Variants in TAPT1 observed in about 807,000 individuals in gnomAD.
TAPT1 encodes transmembrane anterior posterior transformation protein 1 homolog.
Under a neutral mutation model 65.6 loss-of-function variants are expected in TAPT1, and 28 were observed. That is an observed-to-expected ratio of 0.43 (90% CI 0.32 to 0.59). The LOEUF (loss-of-function observed/expected upper bound fraction) is 0.59, where lower values mean the gene tolerates loss of function less well. Among genes scored for constraint, TAPT1 ranks in the 20% least tolerant of loss-of-function variants. The pLI is 0.09. For missense variants in TAPT1, 563 were observed against 679.9 expected, an observed-to-expected ratio of 0.83 and a Z score of 1.91; for synonymous variants, 278 against 245.2, an observed-to-expected ratio of 1.13 and a Z score of -1.25.
chr4:16,216,039 C>T (rs1750923936), intron 1 of TAPT1: 1 of 152,152 alleles, frequency 6.6e-6, no homozygotes, highest in South Asian at 2.1e-4. Flanking sequence ...TTTCAGAAAG[C>T]AGAGGAGATT....
rs573308917 is a variant in TAPT1, at chr4:16,172,830, G to T, written c.1236+1374C>A. On this transcript the variant is annotated intron_variant, in intron 11 of 13. Coordinates refer to ENST00000405303, the MANE Select transcript of TAPT1 (RefSeq NM_153365.3). ...TTGTTTGTTTTGTTTTGTTTTTGTTGTTTTTTTTTTTGAGATGGAGTGTTG... is the reference window on the plus strand; with the variant it reads ...TTGTTTGTTTTGTTTTGTTTTTGTTTTTTTTTTTTTTGAGATGGAGTGTTG... 2.3e-3 allele frequency among the ~76,000 whole-genome samples: 338 copies of T among 145,740 alleles called. 3 individuals are homozygous for T. Among genetic ancestry groups the T allele is most frequent in the South Asian group, 0.021 (98 of 4,592 alleles).
At chr4:16,210,650 C>T (rs1042572046) in intron 2 of TAPT1, among the ~76,000 whole-genome samples, 5 of 152,214 alleles carry the variant, frequency 3.3e-5, no homozygotes, top group African/African-American at 1.2e-4. Context: ...CAGAGTTAGA[C>T]AGTTCGGCTT....
At chr4:16,178,759 A>C (rs775718406) in intron 8 of TAPT1, among the ~76,000 whole-genome samples, 16 of 152,248 alleles carry the variant, frequency 1.1e-4, no homozygotes, top group Non-Finnish European at 2.9e-5. Flanking sequence ...GCCTGAATTC[A>C]GAGACGCACC....
intron 1 of TAPT1, among the ~76,000 whole-genome samples, chr4:16,218,926 CTGAG>C (rs1475758619): frequency 6.6e-6 from 1 of 152,136 alleles, no homozygotes; most frequent in Non-Finnish European, 1.5e-5. Flanking sequence ...AACATAAATA[CTGAG>C]TGTTTTAATT....
intron 7 of TAPT1, among the ~76,000 whole-genome samples, chr4:16,181,641 G>A (rs191913695): frequency 6.7e-4 from 102 of 152,216 alleles, no homozygotes; most frequent in Non-Finnish European, 1.3e-3. Context: ...CTCCCAGGCT[G>A]GATGCAGCCT....
intron 4 of TAPT1, among the ~76,000 whole-genome samples, chr4:16,188,938 G>T (rs529924745): frequency 1.3e-4 from 20 of 151,862 alleles, no homozygotes; most frequent in Non-Finnish European, 2.1e-4. Context: ...AGAAAAAAAG[G>T]GGGTGGGCAC....
At chr4:16,221,108 A>G (rs1000554297) in intron 1 of TAPT1, among the ~76,000 whole-genome samples, 4 of 139,274 alleles carry the variant, frequency 2.9e-5, no homozygotes, top group Non-Finnish European at 6.1e-5. Flanking sequence ...GCACATACGT[A>G]CATATATATA....
At chr4:16,172,645 T>C (rs1748080029) in intron 11 of TAPT1, among the ~76,000 whole-genome samples, 6 of 152,160 alleles carry the variant, frequency 3.9e-5, no homozygotes, top group Admixed American at 1.3e-4. Flanking sequence ...TTAAATAGCA[T>C]TAAGCCTATT....
intron 9 of TAPT1, among the ~76,000 whole-genome samples, chr4:16,175,881 T>G (rs1253292957): frequency 6.6e-6 from 1 of 152,204 alleles, no homozygotes; most frequent in African/African-American, 2.4e-5. Context: ...CAGAATGATT[T>G]TGAGTTAGTG....
rs547336789 is a variant in TAPT1, at chr4:16,226,095, GAGCCTCGGC to G, written c.199+155_199+163del. Reference sequence around the variant, plus strand: ...GCCCGAGGAACTGTCAACGGCCGCGGAGCCTCGGCAGCCTCGGCGGCTCCGCGCGCCCAC... The same window carrying G: ...GCCCGAGGAACTGTCAACGGCCGCGGAGCCTCGGCGGCTCCGCGCGCCCAC... On this transcript the variant is annotated intron_variant, in intron 1 of 13. Coordinates refer to ENST00000405303, the MANE Select transcript of TAPT1 (RefSeq NM_153365.3). 1,065 of 1,029,054 alleles carry G rather than the reference GAGCCTCGGC, an allele frequency of 1.0e-3. 2 individuals carry two copies. In the African/African-American group the frequency reaches 0.014, roughly 14 times the overall value. 63.7% of individuals were successfully genotyped at this position (1,029,054 alleles called of 1,614,324 possible). A position where few individuals can be genotyped will look rare whatever the true frequency, so the allele number is the denominator to read the frequency against.
chr4:16,191,283 C>T lies in TAPT1; in HGVS notation c.612+78G>A. On this transcript the variant is annotated intron_variant, in intron 4 of 13. Coordinates refer to ENST00000405303, the MANE Select transcript of TAPT1 (RefSeq NM_153365.3). The stretch of plus-strand genomic sequence containing the variant: ...ACTAGAGTCGGTAGAGCATTCTTGA[C>T]TCTCAGGTACCTTCAGAACTGAAGA... 7.0e-6 allele frequency: 10 copies of T among 1,426,514 alleles called. No homozygotes were observed. The South Asian group carries it at 1.3e-4, about 18-fold the overall frequency. The allele number at this position is 1,426,514 out of a possible 1,614,324, so 88.4% of individuals were successfully genotyped here. A position where few individuals can be genotyped will look rare whatever the true frequency, so the allele number is the denominator to read the frequency against.
At chr4:16,165,534 C>T (rs566292588) in intron 13 of TAPT1, among the ~76,000 whole-genome samples, 91 of 149,358 alleles carry the variant, frequency 6.1e-4, no homozygotes, top group African/African-American at 2.2e-3. Flanking sequence ...CACGCCACTG[C>T]ACTCCAGCCT....
chr4:16,206,040 G>C (rs554280402), intron 2 of TAPT1, among the ~76,000 whole-genome samples: 2 of 152,312 alleles, frequency 1.3e-5, no homozygotes, highest in African/African-American at 2.4e-5. Context: ...AAGGGGAACA[G>C]GATATCAATA....
intron 2 of TAPT1, among the ~76,000 whole-genome samples, chr4:16,213,483 G>A (rs1044547982): frequency 6.6e-6 from 1 of 152,190 alleles, no homozygotes; most frequent in Admixed American, 6.5e-5. Flanking sequence ...AAAGGGTACA[G>A]AAGTAGAGAT....
At chr4:16,180,487 T>C (rs2149681599) in intron 7 of TAPT1, among the ~76,000 whole-genome samples, 1 of 152,246 alleles carries the variant, frequency 6.6e-6, no homozygotes, top group South Asian at 2.1e-4. Context: ...AAAAGCTTTT[T>C]TACAGTCTGC....
At chr4:16,192,033 C>T (rs1289787390) in intron 3 of TAPT1, among the ~76,000 whole-genome samples, 5 of 152,172 alleles carry the variant, frequency 3.3e-5, no homozygotes, top group East Asian at 1.9e-4. Context: ...ATTTATTTAA[C>T]GTATAACTGA....
At chr4:16,181,364 C>T (rs1363729221) in intron 7 of TAPT1, among the ~76,000 whole-genome samples, 1 of 152,088 alleles carries the variant, frequency 6.6e-6, no homozygotes, top group African/African-American at 2.4e-5. Flanking sequence ...AATAAATGGC[C>T]TTGAGAAATT....
intron 1 of TAPT1, among the ~76,000 whole-genome samples, chr4:16,218,000 T>C (rs960120358): frequency 2.0e-5 from 3 of 152,286 alleles, no homozygotes; most frequent in African/African-American, 7.2e-5. Context: ...CCACACTAAG[T>C]GCAAGGAAAG....
At chr4:16,185,792 C>A (rs561502375) in intron 7 of TAPT1, among the ~76,000 whole-genome samples, 53 of 152,284 alleles carry the variant, frequency 3.5e-4, no homozygotes, top group African/African-American at 1.2e-3. Context: ...CCATAACACA[C>A]CCCTCCTTCC....
Sources: allele counts gnomAD v4.1 joint callset (sites outside exome capture counted in the v4.1 genomes callset), GRCh38; gene constraint gnomAD v4.1.1; transcripts MANE v1.5; gene names NCBI Gene and HGNC (gene_info 2026-07-23, HGNC 2026-07-21).